DSCAM: variants seen among roughly 807,000 people sequenced by gnomAD.
DSCAM encodes DS cell adhesion molecule, also known as cell adhesion molecule DSCAM.
Under a neutral mutation model 217.7 loss-of-function variants are expected in DSCAM, and 47 were observed. That is an observed-to-expected ratio of 0.22 (90% CI 0.17 to 0.28). DSCAM has a LOEUF of 0.28. DSCAM is among the 10% of genes least tolerant of loss of function. The probability of loss-of-function intolerance (pLI) is 1.00; values close to 1 mark genes in which losing one functional copy is unlikely to be tolerated. For synonymous variants in DSCAM, 1,056 were observed against 1,015.3 expected, an observed-to-expected ratio of 1.04 and a Z score of -0.76; for missense variants, 2,080 against 2,618.3, an observed-to-expected ratio of 0.79 and a Z score of 4.49.
intron 3 of DSCAM, among the ~76,000 whole-genome samples, chr21:40,498,304 C>G (rs1029231699): frequency 2.0e-5 from 3 of 151,932 alleles, no homozygotes; most frequent in Non-Finnish European, 2.9e-5. Flanking sequence ...CAGTGAGCCT[C>G]AGTTTGATTA....
chr21:40,735,443 G>A (rs760646914), intron 1 of DSCAM, among the ~76,000 whole-genome samples: 10 of 152,326 alleles, frequency 6.6e-5, no homozygotes, highest in South Asian at 4.1e-4. Context: ...TAGAAAGCAA[G>A]TTGGCTATAG....
intron 3 of DSCAM, among the ~76,000 whole-genome samples, chr21:40,568,318 T>G (rs1046956183): frequency 1.3e-5 from 2 of 152,168 alleles, no homozygotes; most frequent in African/African-American, 4.8e-5. Context: ...TATATATATT[T>G]TTTTTCTTTA....
chr21:40,541,274 T>C lies in DSCAM; in HGVS notation c.508+151536A>G, dbSNP rs1276764359. On this transcript the variant is annotated intron_variant, in intron 3 of 32. Coordinates refer to ENST00000400454, the MANE Select transcript of DSCAM (RefSeq NM_001389.5). ...GCAATTGCCTCTATTTCAATACTTA[T>C]TTTATGCCAGCCTTTAGTAACAGAC... 2.0e-5 allele frequency among the ~76,000 whole-genome samples: 3 copies of C among 152,208 alleles called. 1 individual carries two copies. Among genetic ancestry groups the C allele is most frequent in the Middle Eastern group, 6.3e-3 (2 of 316 alleles).
chr21:40,138,502 T>A (rs971129305), intron 18 of DSCAM, among the ~76,000 whole-genome samples: 1 of 143,812 alleles, frequency 7.0e-6, no homozygotes, highest in Admixed American at 6.9e-5. Context: ...GGTGTGTGTG[T>A]GTGCATATGT....
intron 27 of DSCAM, among the ~76,000 whole-genome samples, chr21:40,064,388 C>T (rs1173085323): frequency 6.6e-6 from 1 of 152,160 alleles, no homozygotes; most frequent in East Asian, 1.9e-4. Context: ...CCACAATAAT[C>T]TCTCCTTTTC....
chr21:40,311,963 TGAGA>T, intron 9 of DSCAM, 114 bp downstream of exon 9: 5 of 290,082 alleles, frequency 1.7e-5, no homozygotes, highest in Non-Finnish European at 2.2e-5. Flanking sequence ...TTTTTTTTAG[TGAGA>T]TAAAACTGAA....
At chr21:40,332,233 C>T (rs1490918079) in intron 8 of DSCAM, among the ~76,000 whole-genome samples, 1 of 152,116 alleles carries the variant, frequency 6.6e-6, no homozygotes, top group Non-Finnish European at 1.5e-5. Context: ...TTCCTGGGTT[C>T]TTTGTATTCA....
At position 40,535,817 on chromosome 21, in the gene DSCAM, C is replaced by G. The variant is rs139385528; in HGVS notation, c.508+156993G>C. On this transcript the variant is annotated intron_variant, in intron 3 of 32. Transcript: ENST00000400454. ...AATGGAGCAAGGTGACCAACTGGTTCAAAGATAGTGAGAGATGTCTAGGTC... is the reference window on the plus strand; with the variant it reads ...AATGGAGCAAGGTGACCAACTGGTTGAAAGATAGTGAGAGATGTCTAGGTC... Among the ~76,000 whole-genome samples the G allele has an allele frequency of 9.9e-5, 15 of 152,260 alleles. No homozygotes were observed. In the East Asian group the frequency reaches 1.4e-3, roughly 14 times the overall value.
chr21:40,354,457 T>C (rs1380566278), intron 4 of DSCAM, among the ~76,000 whole-genome samples: 3 of 152,106 alleles, frequency 2.0e-5, no homozygotes, highest in African/African-American at 4.8e-5. Flanking sequence ...AGTCTCAAAC[T>C]CCTGGGCTCA....
chr21:40,167,338 G>T, intron 15 of DSCAM, 50 bp from the exon 16 acceptor site: 3 of 1,559,418 alleles, frequency 1.9e-6, no homozygotes, highest in Non-Finnish European at 2.7e-6. Flanking sequence ...TTCCGGAGCA[G>T]ATCGAAGCCT....
intron 18 of DSCAM, among the ~76,000 whole-genome samples, chr21:40,142,208 G>T (rs147777673): frequency 2.6e-4 from 40 of 152,282 alleles, no homozygotes; most frequent in Admixed American, 1.1e-3. Context: ...AGTAGGAAGA[G>T]GCCAACATTT....
chr21:40,130,656 C>T (rs1167977534), intron 19 of DSCAM, among the ~76,000 whole-genome samples: 2 of 152,082 alleles, frequency 1.3e-5, no homozygotes, highest in Non-Finnish European at 2.9e-5. Flanking sequence ...TGTCCATGGC[C>T]CTGAGATTAT....
rs1301287046 is a variant in DSCAM, at chr21:40,362,510, A to T, written c.655+6589T>A. ...GGTTTTCCCGTTCTTAGTGACACTCAATTGTTCAGTGAGGTCAGATGTTAA... is the reference window on the plus strand; with the variant it reads ...GGTTTTCCCGTTCTTAGTGACACTCTATTGTTCAGTGAGGTCAGATGTTAA... On this transcript the variant is annotated intron_variant, in intron 4 of 32. Coordinates refer to ENST00000400454, the MANE Select transcript of DSCAM (RefSeq NM_001389.5). 2.0e-5 allele frequency among the ~76,000 whole-genome samples: 3 copies of T among 152,138 alleles called. No homozygotes were observed. The East Asian group carries it at 5.8e-4, about 29-fold the overall frequency.
chr21:40,512,384 C>A (rs534353450), intron 3 of DSCAM, among the ~76,000 whole-genome samples: 1 of 152,164 alleles, frequency 6.6e-6, no homozygotes, highest in Non-Finnish European at 1.5e-5. Flanking sequence ...TAAATCTTAT[C>A]TCTATTACTT....
chr21:40,382,665 G>A (rs1055330281), intron 3 of DSCAM, among the ~76,000 whole-genome samples: 11 of 152,126 alleles, frequency 7.2e-5, no homozygotes, highest in East Asian at 1.9e-4. Context: ...GCGGTCCCTC[G>A]TGTCACTCCC....
At chr21:40,731,719 TC>T (rs2091013052) in intron 1 of DSCAM, among the ~76,000 whole-genome samples, 1 of 142,644 alleles carries the variant, frequency 7.0e-6, no homozygotes, top group Non-Finnish European at 1.5e-5. Context: ...ATTACCTCCT[TC>T]CCACTGCACC....
At position 40,296,136 on chromosome 21, in the gene DSCAM, C is replaced by T; in HGVS notation, c.2101G>A (p.Gly701Arg). ...KFVVQPRDQD[G>R]IYGKAVILNC... ...AGGATGACTGCTTTGCCATAAATCC[C>T]GTCCTGGTCCCGTGGCTGAACCACA... The change falls in exon 10 of 33, where the codon GGG becomes AGG. Residue 701 changes from glycine (G) to arginine (R), a missense_variant. Coordinates refer to ENST00000400454, the MANE Select transcript of DSCAM (RefSeq NM_001389.5). 13 of 1,614,114 alleles carry T rather than the reference C, an allele frequency of 8.1e-6. No individual in the cohort carries two copies. Among genetic ancestry groups the T allele is most frequent in the Non-Finnish European group, 1.0e-5 (12 of 1,179,984 alleles).
intron 30 of DSCAM, among the ~76,000 whole-genome samples, chr21:40,050,591 T>G (rs1319079251): frequency 1.3e-5 from 2 of 152,006 alleles, no homozygotes; most frequent in South Asian, 4.2e-4. Context: ...CACGCCATTC[T>G]CCTGCCTCGG....
intron 8 of DSCAM, among the ~76,000 whole-genome samples, chr21:40,315,619 T>G (rs1330316390): frequency 6.6e-6 from 1 of 152,148 alleles, no homozygotes; most frequent in Non-Finnish European, 1.5e-5. Context: ...TATTTGCAAT[T>G]CATCAGTGTA....
Sources: allele counts gnomAD v4.1 joint callset (sites outside exome capture counted in the v4.1 genomes callset), GRCh38; gene constraint gnomAD v4.1.1; transcripts MANE v1.5; gene names NCBI Gene and HGNC (gene_info 2026-07-23, HGNC 2026-07-21).